The following PRTG variants were observed in gnomAD, a reference collection of about 807,000 sequenced individuals.
The protein encoded by PRTG is immunoglobulin superfamily, DCC subclass, member 5.
In PRTG, 67 loss-of-function variants were observed where a neutral mutation model predicts 122.5. The ratio of observed to expected loss-of-function variants is 0.55; its 90% CI spans 0.45 to 0.67. The LOEUF is 0.67. PRTG is among the 30% of genes least tolerant of loss of function. PRTG has a pLI of 0.00. For synonymous variants in PRTG, 554 were observed against 501.1 expected, an observed-to-expected ratio of 1.11 and a Z score of -1.41; for missense variants, 1,435 against 1,415.4, an observed-to-expected ratio of 1.01 and a Z score of -0.22.
At chr15:55,714,909 ACAT>A (rs1247412970) in intron 2 of PRTG, among the ~76,000 whole-genome samples, 1 of 152,226 alleles carries the variant, frequency 6.6e-6, no homozygotes, top group African/African-American at 2.4e-5. Context: ...GAGTTCTTTA[ACAT>A]CTTAGCAGAG....
chr15:55,726,641 C>CAAAA (rs201283767), intron 2 of PRTG, among the ~76,000 whole-genome samples: 1 of 93,822 alleles, frequency 1.1e-5, no homozygotes, highest in African/African-American at 3.4e-5. Flanking sequence ...ATCTTCGTCT[C>CAAAA]AAAAAAAAAA....
chr15:55,633,535 TA>T (rs1286247834), intron 15 of PRTG, among the ~76,000 whole-genome samples: 2 of 152,218 alleles, frequency 1.3e-5, no homozygotes, highest in African/African-American at 4.8e-5. Flanking sequence ...CCATTTGTAT[TA>T]AAATATGTGG....
chr15:55,728,998 C>A (rs2031137644), intron 2 of PRTG, among the ~76,000 whole-genome samples: 2 of 152,112 alleles, frequency 1.3e-5, no homozygotes, highest in African/African-American at 4.8e-5. Flanking sequence ...TTTACAATAG[C>A]ATCTAAAAGA....
chr15:55,729,343 C>T (rs1451001706), intron 2 of PRTG, among the ~76,000 whole-genome samples: 6 of 152,092 alleles, frequency 3.9e-5, no homozygotes, highest in Non-Finnish European at 8.8e-5. Flanking sequence ...GAAGTAAATT[C>T]GTGGCTGCTA....
rs148131169 is a variant in PRTG, at chr15:55,697,039, G to T, written c.398-13108C>A. On this transcript the variant is annotated intron_variant, in intron 2 of 19. Coordinates refer to ENST00000389286, the MANE Select transcript of PRTG (RefSeq NM_173814.6). ...AAAACGCACCTTTAATAATACCTGAGAATTTGTTGCTTCTTTAATATTTCA... is the reference window on the plus strand; with the variant it reads ...AAAACGCACCTTTAATAATACCTGATAATTTGTTGCTTCTTTAATATTTCA... 1.2e-3 allele frequency among the ~76,000 whole-genome samples: 183 copies of T among 152,212 alleles called. 3 individuals carry two copies. In the East Asian group the frequency reaches 0.033, roughly 27 times the overall value.
At chr15:55,714,928 T>G (rs563902753) in intron 2 of PRTG, among the ~76,000 whole-genome samples, 1 of 152,354 alleles carries the variant, frequency 6.6e-6, no homozygotes, top group African/African-American at 2.4e-5. Context: ...CAGAGTTTTA[T>G]ATACAGCTCT....
chr15:55,697,560 G>GA (rs1292436112), intron 2 of PRTG, among the ~76,000 whole-genome samples: 2 of 152,160 alleles, frequency 1.3e-5, no homozygotes, highest in East Asian at 3.9e-4. Context: ...CGCCAGGCTG[G>GA]AGTGCAGTGG....
intron 2 of PRTG, among the ~76,000 whole-genome samples, chr15:55,693,255 G>C (rs1030904629): frequency 6.6e-6 from 1 of 152,078 alleles, no homozygotes; most frequent in Non-Finnish European, 1.5e-5. Flanking sequence ...TCGGGTGGTC[G>C]GGACTGGCCT....
rs528268359 is a variant in PRTG, at chr15:55,627,356, C to T, written c.2807-228G>A. On this transcript the variant is annotated intron_variant, in intron 16 of 19. Transcript: ENST00000389286. ...TTTTTTTTTTTTTGAGACGGAGTCT[C>T]GCTCTGTTGCCCAGGCTAGTGCAGT... Among the ~76,000 whole-genome samples, 15 of 145,212 alleles carry T rather than the reference C, an allele frequency of 1.0e-4. No homozygotes were observed. In the East Asian group the frequency reaches 2.5e-3, roughly 25 times the overall value.
rs755306387 is a variant in PRTG, at chr15:55,677,955, G to C, written c.1223C>G (p.Ala408Gly). The C allele has an allele frequency of 6.2e-7, 1 of 1,613,032 alleles. No homozygotes were observed. Among genetic ancestry groups the C allele is most frequent in the Non-Finnish European group, 8.5e-7 (1 of 1,179,244 alleles). ...TTCTGACATCACTACAGTCAGTCTG[G>C]CTCTAGATAAAATAGATCCTTGGCT... The part of the protein sequence containing the change: ...ENSQGSILSR[A>G]RLTVVMSEDR... The change falls in exon 8 of 20, where the codon GCC becomes GGC. Residue 408 changes from alanine (A) to glycine (G), a missense_variant. Coordinates refer to ENST00000389286, the MANE Select transcript of PRTG (RefSeq NM_173814.6).
At chr15:55,635,255 C>T (rs1430156514) in intron 15 of PRTG, among the ~76,000 whole-genome samples, 5 of 152,192 alleles carry the variant, frequency 3.3e-5, no homozygotes, top group Admixed American at 3.3e-4. Context: ...CCATGCCTGC[C>T]TAATTTTTGT....
At position 55,685,926 on chromosome 15, in the gene PRTG, G is replaced by T. The variant is rs541299470; in HGVS notation, c.398-1995C>A. Among the ~76,000 whole-genome samples the T allele has an allele frequency of 2.0e-5, 3 of 152,256 alleles. No individual in the cohort carries two copies. The East Asian group carries it at 5.8e-4, about 29-fold the overall frequency. On this transcript the variant is annotated intron_variant, in intron 2 of 19. Coordinates refer to ENST00000389286, the MANE Select transcript of PRTG (RefSeq NM_173814.6). ...CCCATATTCAACCACTTACAATGGT[G>T]TTTCACTAACATTGAGCTACTTTTC...
Position 55,673,672 on chromosome 15 carries a change from G to A in PRTG, c.1551C>T (p.Pro517=), listed in dbSNP as rs2059486507. Residue 517 remains proline (P), a synonymous_variant, in exon 10 of 20, where the codon CCC becomes CCT. Coordinates refer to ENST00000389286, the MANE Select transcript of PRTG (RefSeq NM_173814.6). ...HVTQNTLEDV[P]LRPPEISLTS... is the part of the protein sequence containing the mutation. ...TCAAACTAATTTCAGGAGGTCTCAG[G>A]GGAACTAGTCATAGAAGAAATCAGG... is the stretch of plus-strand genomic sequence containing the variant. The A allele has an allele frequency of 2.5e-6, 4 of 1,612,776 alleles. No homozygotes were observed. The highest frequency in any genetic ancestry group is 3.4e-6 in the Non-Finnish European group (4 of 1,178,900).
intron 11 of PRTG, among the ~76,000 whole-genome samples, chr15:55,642,839 A>G (rs1314239829): frequency 6.6e-6 from 1 of 152,188 alleles, no homozygotes; most frequent in East Asian, 1.9e-4. Flanking sequence ...CTGTAACCCC[A>G]CTACTTTGGG....
At chr15:55,645,139 T>G (rs2059313268) in intron 11 of PRTG, among the ~76,000 whole-genome samples, 1 of 152,100 alleles carries the variant, frequency 6.6e-6, no homozygotes, top group Non-Finnish European at 1.5e-5. Flanking sequence ...TGTTTGTAAA[T>G]TTAAGAGTGG....
At position 55,624,395 on chromosome 15, in the gene PRTG, T is replaced by C. The variant is rs767410381; in HGVS notation, c.3040A>G (p.Asn1014Asp). The change falls in exon 18 of 20, where the codon AAT becomes GAT. Residue 1014 changes from asparagine to aspartate, a missense_variant. By Grantham distance (23) the Asn-to-Asp change is conservative. Coordinates refer to ENST00000389286, the MANE Select transcript of PRTG (RefSeq NM_173814.6). ...ATCATTGGCATTAAAGATTCTTCAT[T>C]TCCTACAGCTCCTTCCAGGTTCTTT... ...VGKNLEGAVG[N>D]EESLMPMIMP... is the part of the protein sequence containing the mutation. The C allele has an allele frequency of 6.2e-7, 1 of 1,614,112 alleles. No individual in the cohort carries two copies. The highest frequency in any genetic ancestry group is 8.5e-7 in the Non-Finnish European group (1 of 1,179,974).
intron 11 of PRTG, among the ~76,000 whole-genome samples, chr15:55,652,196 C>T (rs1036814800): frequency 1.3e-4 from 20 of 151,924 alleles, no homozygotes; most frequent in Non-Finnish European, 2.9e-5. Context: ...TAAAAATCGT[C>T]GAATTAGAAT....
intron 16 of PRTG, 111 bp downstream of exon 16, chr15:55,628,711 G>A (rs559713900): frequency 2.6e-5 from 21 of 805,092 alleles, no homozygotes; most frequent in Middle Eastern, 3.4e-4. Context: ...AACAACTTAC[G>A]GAACTGAGAG....
intron 2 of PRTG, among the ~76,000 whole-genome samples, chr15:55,711,046 A>C (rs2030362647): frequency 6.7e-6 from 1 of 150,070 alleles, no homozygotes; most frequent in South Asian, 2.1e-4. Flanking sequence ...AGCTGGGATT[A>C]CAGGCGCCTG....
Sources: gnomAD v4.1 joint callset for allele counts (sites outside exome capture counted in the v4.1 genomes callset) on GRCh38, gnomAD v4.1.1 for gene constraint, MANE v1.5 for transcripts, NCBI Gene and HGNC (gene_info 2026-07-23, HGNC 2026-07-21) for gene names.